Variants in SORBS2 observed in about 807,000 individuals in gnomAD.
SORBS2 encodes sorbin and SH3 domain-containing protein 2.
SORBS2 carries 46 observed loss-of-function variants against 97.7 expected under a neutral mutation model. The observed-to-expected ratio is 0.47, with a 90% CI of 0.37 to 0.60. The LOEUF (loss-of-function observed/expected upper bound fraction) is 0.60. SORBS2 is among the 20% of genes least tolerant of loss of function. The pLI is 0.00. For missense variants in SORBS2, 1,316 were observed against 1,282.3 expected (o/e 1.03, Z -0.40); for synonymous variants, 476 against 473.4 (o/e 1.01, Z -0.07).
chr4:185,729,615 G>A (rs1401567809), intron 2 of SORBS2, among the ~76,000 whole-genome samples: 1 of 152,218 alleles, frequency 6.6e-6, no homozygotes, highest in Non-Finnish European at 1.5e-5. Context: ...TCTACTCTGT[G>A]AAAGACAAGG....
chr4:185,620,829 A>G (rs879032003), intron 7 of SORBS2, among the ~76,000 whole-genome samples: 2 of 152,208 alleles, frequency 1.3e-5, no homozygotes, highest in African/African-American at 4.8e-5. Flanking sequence ...GTTTCTTCTT[A>G]CTCCAAGCAA....
At chr4:185,737,099 G>C (rs1166102498) in intron 2 of SORBS2, among the ~76,000 whole-genome samples, 1 of 152,142 alleles carries the variant, frequency 6.6e-6, no homozygotes, top group Non-Finnish European at 1.5e-5. Flanking sequence ...ATGCTCACTG[G>C]TGTCAGAATT....
At chr4:185,930,378 T>G (rs997090326) in intron 1 of SORBS2, among the ~76,000 whole-genome samples, 1 of 152,218 alleles carries the variant, frequency 6.6e-6, no homozygotes, top group African/African-American at 2.4e-5. Flanking sequence ...CACTGCAAGC[T>G]CCACCACCCG....
chr4:185,646,171 T>C (rs2153454240), intron 4 of SORBS2: 1 of 152,182 alleles, frequency 6.6e-6, no homozygotes. Context: ...AAAGCCAATA[T>C]GGAAAACAAG....
chr4:185,887,415 G>C (rs1050967274), intron 1 of SORBS2, among the ~76,000 whole-genome samples: 1 of 152,094 alleles, frequency 6.6e-6, no homozygotes, highest in Non-Finnish European at 1.5e-5. Context: ...CTACTGCTTC[G>C]TTAAGAACCA....
chr4:185,595,280 G>A (rs189485197), intron 12 of SORBS2, among the ~76,000 whole-genome samples: 146 of 152,208 alleles, frequency 9.6e-4, no homozygotes, highest in African/African-American at 3.3e-3. Context: ...ACTAGAGTGC[G>A]TAAGAATTAC....
intron 2 of SORBS2, among the ~76,000 whole-genome samples, chr4:185,763,333 G>A (rs2098915075): frequency 1.3e-5 from 2 of 152,138 alleles, no homozygotes; most frequent in Admixed American, 1.3e-4. Flanking sequence ...TATGGGCAAG[G>A]ACCAGAAGCT....
chr4:185,738,614 G>A (rs2098703403), intron 2 of SORBS2, among the ~76,000 whole-genome samples: 1 of 151,968 alleles, frequency 6.6e-6, no homozygotes. Flanking sequence ...TCTTTTCTAA[G>A]AATAAATAAT....
Position 185,607,459 on chromosome 4 carries a change from A to G in SORBS2, c.2796+4321T>C, listed in dbSNP as rs972299223. On this transcript the variant is annotated intron_variant, in intron 12 of 14. Coordinates refer to ENST00000418609, the Ensembl canonical transcript of SORBS2. This position sits in a 1 kb window ranked among gnomAD's most constrained non-coding sequence, Gnocchi z 5.2. ...ATGCAGAAAAGATGCGGTGGTGAAT[A>G]TGAAAATAATTTTATGTTTAACATA... The G allele has an allele frequency of 1.5e-5, 7 of 453,566 alleles. No individual in the cohort carries two copies. In the East Asian group the frequency reaches 3.7e-4, roughly 24 times the overall value. The allele number at this position is 453,566 out of a possible 1,614,324, so 28.1% of individuals were successfully genotyped here. A position where few individuals can be genotyped will look rare whatever the true frequency, so the allele number is the denominator to read the frequency against.
chr4:185,833,989 G>A (rs2099206563), intron 1 of SORBS2, among the ~76,000 whole-genome samples: 1 of 152,176 alleles, frequency 6.6e-6, no homozygotes. Context: ...CCAATGGGCA[G>A]TATGAACATA....
intron 2 of SORBS2, among the ~76,000 whole-genome samples, chr4:185,731,888 A>C (rs1365812043): frequency 0.011 from 1,040 of 93,434 alleles, 8 homozygotes; most frequent in Non-Finnish European, 0.017. Context: ...ATATATATAT[A>C]TATATATATA....
At chr4:185,947,903 G>T (rs917643325) in intron 1 of SORBS2, among the ~76,000 whole-genome samples, 1 of 150,754 alleles carries the variant, frequency 6.6e-6, no homozygotes, top group Non-Finnish European at 1.5e-5. Context: ...GAGCCACTAC[G>T]CCCCGCCCTC....
chr4:185,874,251 C>T (rs1310722072), intron 1 of SORBS2, among the ~76,000 whole-genome samples: 1 of 152,054 alleles, frequency 6.6e-6, no homozygotes, highest in Non-Finnish European at 1.5e-5. Context: ...ATGTGGCTAC[C>T]TTATTTCAAG....
chr4:185,622,374 C>G (rs1045557528), intron 7 of SORBS2, among the ~76,000 whole-genome samples: 1 of 152,142 alleles, frequency 6.6e-6, no homozygotes, highest in Non-Finnish European at 1.5e-5. Flanking sequence ...ACCATTGTGT[C>G]CTTGAAATGG....
At chr4:185,927,267 C>T (rs895446646) in intron 1 of SORBS2, among the ~76,000 whole-genome samples, 1 of 150,596 alleles carries the variant, frequency 6.6e-6, no homozygotes, top group Non-Finnish European at 1.5e-5. Context: ...GCACTCAGTC[C>T]TTTTTTTTAT....
At chr4:185,801,901 T>A (rs2099132780) in intron 1 of SORBS2, among the ~76,000 whole-genome samples, 1 of 152,140 alleles carries the variant, frequency 6.6e-6, no homozygotes, top group Non-Finnish European at 1.5e-5. Flanking sequence ...AGTGCATACC[T>A]CCCAGGGCTG....
At chr4:185,646,982 G>GA (rs2097218699) in intron 3 of SORBS2, among the ~76,000 whole-genome samples, 200 bp from the exon 13 acceptor site, 1 of 151,210 alleles carries the variant, frequency 6.6e-6, no homozygotes, top group Non-Finnish European at 1.5e-5. Context: ...TAGACGCGCA[G>GA]AGAGTGAGTC....
intron 2 of SORBS2, among the ~76,000 whole-genome samples, chr4:185,759,679 C>A (rs1174240850): frequency 6.6e-6 from 1 of 151,550 alleles, no homozygotes; most frequent in African/African-American, 2.4e-5. Flanking sequence ...TGATATTAAG[C>A]TGTGGTTTTG....
At chr4:185,633,718 G>GAC (rs199692389) in intron 4 of SORBS2, among the ~76,000 whole-genome samples, 23 of 126,022 alleles carry the variant, frequency 1.8e-4, no homozygotes, top group South Asian at 9.3e-4. Flanking sequence ...GGTTAAGAGA[G>GAC]ATATATTTTT....
Sources: allele counts gnomAD v4.1 joint callset (sites outside exome capture counted in the v4.1 genomes callset), GRCh38; gene constraint gnomAD v4.1.1; non-coding constraint Gnocchi (gnomAD v3.1); transcripts MANE v1.5; gene names NCBI Gene and HGNC (gene_info 2026-07-23, HGNC 2026-07-21).